Variants in ATP11B observed in about 807,000 individuals in gnomAD.
The protein encoded by ATP11B is ATPase phospholipid transporting 11B (putative).
ATP11B carries 81 observed loss-of-function variants against 157.8 expected under a neutral mutation model. The ratio of observed to expected loss-of-function variants is 0.51; its 90% confidence interval spans 0.43 to 0.62. The LOEUF is 0.62. Among genes scored for constraint, ATP11B ranks in the 20% least tolerant of loss-of-function variants. The pLI is 0.00. For missense variants in ATP11B, 1,165 were observed against 1,402.2 expected (o/e 0.83, Z 2.70); for synonymous variants, 451 against 469.4 (o/e 0.96, Z 0.51).
chr3:182,844,298 A>G (rs1719293748), intron 8 of ATP11B: 1 of 152,252 alleles, frequency 6.6e-6, no homozygotes, highest in Non-Finnish European at 1.5e-5. Flanking sequence ...TGTACTCCAA[A>G]TATGACTGTA....
chr3:182,897,436 T>C (rs1723629758), intron 27 of ATP11B, 30 bp downstream of exon 27: 2 of 1,366,774 alleles, frequency 1.5e-6, no homozygotes, highest in Non-Finnish European at 2.0e-6. Flanking sequence ...TTTAATTGGA[T>C]TGCTTCAACT....
intron 28 of ATP11B, among the ~76,000 whole-genome samples, chr3:182,904,838 A>C (rs1724221133): frequency 6.6e-6 from 1 of 150,950 alleles, no homozygotes; most frequent in Non-Finnish European, 1.5e-5. Flanking sequence ...GCAGTGAGCC[A>C]AGATCATGCC....
rs553150276 is a variant in ATP11B, at chr3:182,900,995, C to T, written c.3318+2223C>T. Among the ~76,000 whole-genome samples, 19 of 152,138 alleles carry T rather than the reference C, an allele frequency of 1.2e-4. 1 individual carries two copies. The South Asian group carries it at 3.5e-3, about 28-fold the overall frequency. On this transcript the variant is annotated intron_variant, in intron 28 of 29. Transcript: ENST00000323116. ...AGGAGATCGAGACCATCCTGGCCAACATGGTGAAACACCGTCTCTACTAAA... is the reference window on the plus strand; with the variant it reads ...AGGAGATCGAGACCATCCTGGCCAATATGGTGAAACACCGTCTCTACTAAA...
chr3:182,849,950 A>G (rs9832896), intron 10 of ATP11B, among the ~76,000 whole-genome samples: 8,825 of 152,268 alleles, frequency 0.058, 866 homozygotes, highest in African/African-American at 0.2. Context: ...CCCACACCAA[A>G]GCACATCATG....
In ATP11B at chr3:182,884,775, A is replaced by G. The variant is rs749031766; in HGVS notation, c.2532A>G (p.Arg844=). The change falls in exon 22 of 30, where the codon AGA becomes AGG. Residue 844 remains arginine (R), a synonymous_variant. Coordinates refer to ENST00000323116, the MANE Select transcript of ATP11B (RefSeq NM_014616.3). The part of the protein sequence containing the change: ...VGIGIMGKEG[R]QAARNSDYAI... The stretch of plus-strand genomic sequence containing the variant: ...TAGGAATCATGGGTAAAGAAGGAAG[A>G]CAGGCTGCAAGAAACAGTGACTATG... 1.9e-6 allele frequency: 3 copies of G among 1,596,870 alleles called. No individual in the cohort carries two copies. The Admixed American group carries it at 5.5e-5, about 29-fold the overall frequency.
At chr3:182,833,883 A>G (rs1455900238) in intron 4 of ATP11B, 1 of 152,224 alleles carries the variant, frequency 6.6e-6, no homozygotes, top group Non-Finnish European at 1.5e-5. Flanking sequence ...TTGTAAGTCT[A>G]ACTAATGTTT....
rs905171597 is a variant in ATP11B at position 182,919,920 on chromosome 3, C to G, written c.*1816C>G. ...GTACTAAAAAGAATAATACAACGTA[C>G]AATGTCTGCATTCACTAATTCATGT... On this transcript the variant is annotated 3_prime_UTR_variant, in exon 30 of 30. Coordinates refer to ENST00000323116, the MANE Select transcript of ATP11B (RefSeq NM_014616.3). 2 of 152,134 alleles carry G rather than the reference C, an allele frequency of 1.3e-5. No homozygotes were observed. Among genetic ancestry groups the G allele is most frequent in the African/African-American group, 4.8e-5 (2 of 41,430 alleles). 9.4% of individuals were successfully genotyped at this position (152,134 alleles called of 1,614,324 possible).
At chr3:182,913,746 AC>A (rs770715621) in intron 28 of ATP11B, 114 bp from the exon 29 acceptor site, 798 of 1,529,350 alleles carry the variant, frequency 5.2e-4, no homozygotes, top group Admixed American at 1.1e-3. Context: ...TTATAGAAAA[AC>A]ATGTAGGTTT....
chr3:182,879,409 T>C, intron 19 of ATP11B, 87 bp from the exon 20 acceptor site: 1 of 1,174,230 alleles, frequency 8.5e-7, no homozygotes, highest in Non-Finnish European at 1.1e-6. Context: ...AAGATCCATC[T>C]TTCAGTAAGA....
At chr3:182,795,618 G>T (rs1715552398) in intron 1 of ATP11B, among the ~76,000 whole-genome samples, 1 of 152,158 alleles carries the variant, frequency 6.6e-6, no homozygotes, top group African/African-American at 2.4e-5. Flanking sequence ...ACATTTAGTT[G>T]CTCACCTCAC....
intron 18 of ATP11B, among the ~76,000 whole-genome samples, chr3:182,872,860 G>A (rs923579862): frequency 2.6e-5 from 4 of 152,074 alleles, no homozygotes; most frequent in African/African-American, 9.7e-5. Context: ...GTCTCCTTCC[G>A]CTTTATGTTT....
At chr3:182,882,670 C>G (rs919121879) in intron 21 of ATP11B, among the ~76,000 whole-genome samples, 8 of 151,894 alleles carry the variant, frequency 5.3e-5, no homozygotes, top group African/African-American at 1.7e-4. Context: ...GAGGACAACA[C>G]CAAAGCAAGG....
rs557510581 is a variant in ATP11B at position 182,913,479 on chromosome 3, T to C, written c.3319-382T>C. Among the ~76,000 whole-genome samples the C allele has an allele frequency of 6.4e-4, 98 of 152,350 alleles. 1 individual carries two copies. The highest frequency in any genetic ancestry group is 1.0e-3 in the Non-Finnish European group (71 of 68,034). On this transcript the variant is annotated intron_variant, in intron 28 of 29. Coordinates refer to ENST00000323116, the MANE Select transcript of ATP11B (RefSeq NM_014616.3). ...GAAATTGCAGGCTAGACATTTTTAA[T>C]TGAAATTGCAGGAGCATTTCACCTA... is the stretch of plus-strand genomic sequence containing the variant.
intron 9 of ATP11B, among the ~76,000 whole-genome samples, chr3:182,847,203 AC>A (rs926202028): frequency 6.6e-6 from 1 of 152,060 alleles, no homozygotes; most frequent in Non-Finnish European, 1.5e-5. Context: ...GGCATGTGCC[AC>A]CATGCCCGGC....
At chr3:182,880,784 T>C (rs1272450048) in intron 20 of ATP11B, 95 bp from the exon 21 acceptor site, 1 of 602,206 alleles carries the variant, frequency 1.7e-6, no homozygotes, top group Non-Finnish European at 2.7e-6. Context: ...TTTCTTTCAT[T>C]AGTGTTCTTA....
intron 28 of ATP11B, among the ~76,000 whole-genome samples, chr3:182,906,523 A>AT (rs1724362273): frequency 1.3e-5 from 2 of 152,110 alleles, no homozygotes; most frequent in Non-Finnish European, 2.9e-5. Flanking sequence ...GGCTCACTGC[A>AT]GCCTCGACCT....
chr3:182,803,117 G>A (rs2108484576), intron 1 of ATP11B, among the ~76,000 whole-genome samples: 1 of 152,232 alleles, frequency 6.6e-6, no homozygotes, highest in Middle Eastern at 3.4e-3. Context: ...ACCCAGAAGT[G>A]GAATTGCTGG....
chr3:182,879,373 C>T, intron 19 of ATP11B, 123 bp from the exon 20 acceptor site: 1 of 812,232 alleles, frequency 1.2e-6, no homozygotes, highest in Non-Finnish European at 1.8e-6. Flanking sequence ...ACATAACAGT[C>T]TTGTAACAGT....
intron 4 of ATP11B, among the ~76,000 whole-genome samples, chr3:182,834,672 G>A (rs779063600): frequency 6.6e-6 from 1 of 151,988 alleles, no homozygotes; most frequent in Non-Finnish European, 1.5e-5. Context: ...TTAAAAGATC[G>A]CCATTCCTTA....
Sources: gnomAD v4.1 joint callset for allele counts (sites outside exome capture counted in the v4.1 genomes callset) on GRCh38, gnomAD v4.1.1 for gene constraint, MANE v1.5 for transcripts, NCBI Gene and HGNC (gene_info 2026-07-23, HGNC 2026-07-21) for gene names.